The following SPTLC2 variants were observed in gnomAD, a reference collection of about 807,000 sequenced individuals.
The protein encoded by SPTLC2 is serine palmitoyltransferase long chain base subunit 2.
SPTLC2 carries 21 observed loss-of-function variants against 62.0 expected under a neutral mutation model. The ratio of observed to expected loss-of-function variants is 0.34; its 90% CI spans 0.24 to 0.49. The LOEUF is 0.49. Among genes scored for constraint, SPTLC2 ranks in the 20% least tolerant of loss-of-function variants. The pLI is 0.99. For missense variants in SPTLC2, 511 were observed against 713.0 expected (o/e 0.72, Z 3.23); for synonymous variants, 261 against 261.8 (o/e 1.00, Z 0.03).
intron 1 of SPTLC2, among the ~76,000 whole-genome samples, chr14:77,603,782 T>G (rs1395493856): frequency 6.6e-6 from 1 of 152,262 alleles, no homozygotes; most frequent in Non-Finnish European, 1.5e-5. Context: ...AGTGGCATCC[T>G]GTACACACTG....
chr14:77,580,004 T>G (rs895556728), intron 2 of SPTLC2, among the ~76,000 whole-genome samples: 1 of 151,982 alleles, frequency 6.6e-6, no homozygotes, highest in Non-Finnish European at 1.5e-5. Context: ...GGCTCTTCCC[T>G]CCCCACAAGC....
At chr14:77,588,812 G>A (rs2079797592) in intron 2 of SPTLC2, among the ~76,000 whole-genome samples, 1 of 151,476 alleles carries the variant, frequency 6.6e-6, no homozygotes, top group Non-Finnish European at 1.5e-5. Flanking sequence ...ATCAGCCTGG[G>A]GGCAAAACCC....
At chr14:77,613,188 T>C (rs955812372) in intron 1 of SPTLC2, among the ~76,000 whole-genome samples, 7 of 152,246 alleles carry the variant, frequency 4.6e-5, no homozygotes, top group Admixed American at 3.3e-4. Flanking sequence ...CAATTTGCTA[T>C]AGAGAAAAAC....
At chr14:77,539,471 T>C (rs545903816) in intron 9 of SPTLC2, among the ~76,000 whole-genome samples, 142 of 149,276 alleles carry the variant, frequency 9.5e-4, no homozygotes, top group Non-Finnish European at 1.7e-3. Context: ...ATGAAAATTT[T>C]ATCTTAAGAG....
Position 77,586,082 on chromosome 14 carries a change from T to C in SPTLC2, c.328-6973A>G, listed in dbSNP as rs1461432961. ...GTGATAAATTTTTTCTTTTTTCTTT[T>C]TTTTTTTTTTTGAGATGGAGTCTTG... On this transcript the variant is annotated intron_variant, in intron 2 of 11. Transcript: ENST00000216484. 2.0e-5 allele frequency among the ~76,000 whole-genome samples: 3 copies of C among 150,286 alleles called. No homozygotes were observed. In the South Asian group the frequency reaches 6.3e-4, roughly 32 times the overall value.
chr14:77,602,125 C>T (rs2079881370), intron 1 of SPTLC2, among the ~76,000 whole-genome samples: 1 of 151,180 alleles, frequency 6.6e-6, no homozygotes, highest in Non-Finnish European at 1.5e-5. Flanking sequence ...CTATCTATAG[C>T]CTCTCTAGTG....
In SPTLC2 at chr14:77,556,986, T is replaced by A. The variant is rs183374163; in HGVS notation, c.956+55A>T. ...ACTAATGTTCCCTTCAGTTAAAAAATTCTATGACTTCATGGGGCCAAGTCA... is the reference window on the plus strand; with the variant it reads ...ACTAATGTTCCCTTCAGTTAAAAAAATCTATGACTTCATGGGGCCAAGTCA... On this transcript the variant is annotated intron_variant, in intron 7 of 11. Transcript: ENST00000216484. The A allele has an allele frequency of 4.0e-5, 59 of 1,477,682 alleles. No homozygotes were observed. The African/African-American group carries it at 7.3e-4, about 18-fold the overall frequency. The allele number at this position is 1,477,682 out of a possible 1,614,324, so 91.5% of individuals were successfully genotyped here.
intron 2 of SPTLC2, 145 bp downstream of exon 2, chr14:77,597,041 T>C (rs2079851257): frequency 5.1e-6 from 4 of 791,124 alleles, no homozygotes; most frequent in Non-Finnish European, 8.0e-6. Flanking sequence ...TCAGCTTTCT[T>C]TGTAGAATGT....
At chr14:77,537,766 G>C (rs1001404048) in intron 9 of SPTLC2, among the ~76,000 whole-genome samples, 1 of 152,176 alleles carries the variant, frequency 6.6e-6, no homozygotes, top group Non-Finnish European at 1.5e-5. Flanking sequence ...TTTTGTAAAA[G>C]AGGGAAAATA....
intron 4 of SPTLC2, among the ~76,000 whole-genome samples, chr14:77,572,572 G>A (rs2079689804): frequency 6.6e-6 from 1 of 152,186 alleles, no homozygotes; most frequent in Non-Finnish European, 1.5e-5. Context: ...GTCTTTTGAA[G>A]CTTTGAAACC....
intron 2 of SPTLC2, among the ~76,000 whole-genome samples, chr14:77,581,341 TATAA>T (rs1020204391): frequency 6.0e-5 from 9 of 151,226 alleles, no homozygotes; most frequent in African/African-American, 2.2e-4. Flanking sequence ...AGATAAATCT[TATAA>T]ATAAGGCTGA....
intron 5 of SPTLC2, among the ~76,000 whole-genome samples, chr14:77,568,210 CCCA>C (rs2079657110): frequency 6.6e-6 from 1 of 152,038 alleles, no homozygotes; most frequent in Non-Finnish European, 1.5e-5. Context: ...TCTTCTTTGG[CCCA>C]TGGGTTATTT....
At chr14:77,612,763 T>C (rs1175842113) in intron 1 of SPTLC2, among the ~76,000 whole-genome samples, 2 of 152,210 alleles carry the variant, frequency 1.3e-5, no homozygotes, top group African/African-American at 2.4e-5. Context: ...GAAGCAAGAC[T>C]AACACTTTGT....
At chr14:77,582,282 G>T (rs1044229952) in intron 2 of SPTLC2, among the ~76,000 whole-genome samples, 1 of 152,020 alleles carries the variant, frequency 6.6e-6, no homozygotes, top group Non-Finnish European at 1.5e-5. Flanking sequence ...TTGAACTCCT[G>T]ACCTCAAAGG....
chr14:77,603,034 CAGA>C (rs2079886694), intron 1 of SPTLC2, among the ~76,000 whole-genome samples: 1 of 152,108 alleles, frequency 6.6e-6, no homozygotes, highest in South Asian at 2.1e-4. Flanking sequence ...TAAACTGACT[CAGA>C]AGAAATGATC....
At chr14:77,608,741 G>A (rs2079918551) in intron 1 of SPTLC2, among the ~76,000 whole-genome samples, 1 of 151,996 alleles carries the variant, frequency 6.6e-6, no homozygotes, top group African/African-American at 2.4e-5. Flanking sequence ...TTTCCAGGCT[G>A]AGGTAACTGT....
At chr14:77,534,477 G>A (rs1376405746) in intron 9 of SPTLC2, among the ~76,000 whole-genome samples, 1 of 151,820 alleles carries the variant, frequency 6.6e-6, no homozygotes, top group Non-Finnish European at 1.5e-5. Context: ...CAAATTAGGA[G>A]GCTACTAACA....
intron 4 of SPTLC2, among the ~76,000 whole-genome samples, chr14:77,575,287 AATTTT>A (rs1439621217): frequency 2.0e-5 from 3 of 152,234 alleles, no homozygotes; most frequent in East Asian, 3.9e-4. Context: ...AAATCTGCAC[AATTTT>A]ATTTTTTTCC....
At chr14:77,546,148 A>C (rs1477505673) in intron 9 of SPTLC2, among the ~76,000 whole-genome samples, 1 of 152,256 alleles carries the variant, frequency 6.6e-6, no homozygotes, top group Non-Finnish European at 1.5e-5. Context: ...CAGAAGTAGA[A>C]GCAGATGGAG....
Sources: allele counts gnomAD v4.1 joint callset (sites outside exome capture counted in the v4.1 genomes callset), GRCh38; gene constraint gnomAD v4.1.1; transcripts MANE v1.5; gene names NCBI Gene and HGNC (gene_info 2026-07-23, HGNC 2026-07-21).